Variants in SPTAN1 observed in about 807,000 individuals in gnomAD.
SPTAN1 encodes the protein spectrin alpha, non-erythrocytic 1.
In SPTAN1, 61 loss-of-function variants were observed where a neutral mutation model predicts 331.3. The ratio of observed to expected loss-of-function variants is 0.18; its 90% CI spans 0.15 to 0.23. SPTAN1 has a LOEUF of 0.23. Among genes scored for constraint, SPTAN1 ranks in the 10% least tolerant of loss-of-function variants. The pLI is 1.00. For synonymous variants in SPTAN1, 1,153 were observed against 1,173.9 expected (o/e 0.98, Z 0.36); for missense variants, 2,043 against 3,147.9 (o/e 0.65, Z 8.40).
chr9:128,584,030 A>G lies in SPTAN1; in HGVS notation c.2193+61A>G, dbSNP rs560320788. The G allele has an allele frequency of 3.0e-3, 4,777 of 1,603,196 alleles. 8 individuals carry two copies. The highest frequency in any genetic ancestry group is 3.7e-3 in the Non-Finnish European group (4,314 of 1,171,572). On this transcript the variant is annotated intron_variant, in intron 16 of 56. Transcript: ENST00000372739. ...ATGCAGAAACTATAGGAGGGAGGAA[A>G]AGCCAGTAATTTGAGACTAAATGAA...
At position 128,577,060 on chromosome 9, in the gene SPTAN1, T is replaced by G; in HGVS notation, c.786-69T>G. 1.9e-6 allele frequency: 3 copies of G among 1,613,920 alleles called. No individual in the cohort carries two copies. The South Asian group carries it at 3.3e-5, about 18-fold the overall frequency. Reference sequence around the variant, plus strand: ...GCTGTCGAGGCTGACTAGGCCTTGGTCCCATGGGGTGTTCCTAGTTCTAGG... The same window carrying G: ...GCTGTCGAGGCTGACTAGGCCTTGGGCCCATGGGGTGTTCCTAGTTCTAGG... On this transcript the variant is annotated intron_variant, in intron 6 of 56. Transcript: ENST00000372739. The surrounding 1 kb of genome is among the most constrained non-coding windows in gnomAD (Gnocchi z 4.2).
chr9:128,610,367 G>C (rs1483346812), intron 37 of SPTAN1, among the ~76,000 whole-genome samples: 1 of 152,128 alleles, frequency 6.6e-6, no homozygotes, highest in Non-Finnish European at 1.5e-5. Flanking sequence ...GAGGGTAATG[G>C]GACTTTTGTC....
At chr9:128,574,311 TA>T in intron 3 of SPTAN1, among the ~76,000 whole-genome samples, 1 of 148,640 alleles carries the variant, frequency 6.7e-6, no homozygotes, top group Non-Finnish European at 1.5e-5. Flanking sequence ...TATATAATAC[TA>T]AAATATATAA....
chr9:128,612,127 G>C lies in SPTAN1; in HGVS notation c.4924G>C (p.Ala1642Pro). 6.2e-7 allele frequency: 1 copy of C among 1,614,170 alleles called. No individual in the cohort carries two copies. The highest frequency in any genetic ancestry group is 8.5e-7 in the Non-Finnish European group (1 of 1,180,048). ...DAVKARLAAL[A>P]DQWQFLVQKS... The stretch of plus-strand genomic sequence containing the variant: ...TCCCCAGGCCCGCCTGGCTGCCTTA[G>C]CTGACCAGTGGCAGTTCTTGGTGCA... The change falls in exon 39 of 57, where the codon GCT becomes CCT. Residue 1642 changes from alanine (A) to proline (P), a missense_variant. Ala to Pro is a conservative substitution (Grantham distance 27). Coordinates refer to ENST00000372739, the MANE Select transcript of SPTAN1 (RefSeq NM_001130438.3).
rs1027721632 is a variant in SPTAN1 at position 128,626,529 on chromosome 9, G to A, written c.6418G>A (p.Ala2140Thr). 7 of 1,614,134 alleles carry A rather than the reference G, an allele frequency of 4.3e-6. No homozygotes were observed. The highest frequency in any genetic ancestry group is 1.1e-5 in the South Asian group (1 of 91,088). Reference sequence around the variant, plus strand: ...CAAAGCTTTGCGCGAGGCCCACGACGCCTTCCGCTCCTCCCTCAGCTCTGC... The same window carrying A: ...CAAAGCTTTGCGCGAGGCCCACGACACCTTCCGCTCCTCCCTCAGCTCTGC... ...EIKALREAHDAFRSSLSSAQA... is the reference protein window; with the variant it reads ...EIKALREAHDTFRSSLSSAQA... The change falls in exon 49 of 57, where the codon GCC (alanine) becomes ACC (threonine). Residue 2140 changes from alanine (A) to threonine (T), a missense_variant. This residue lies in a region of SPTAN1 where 256 missense variants were observed against 376.4 expected (regional missense o/e 0.68). Transcript: ENST00000372739.
At chr9:128,561,015 CAAA>C (rs10648319) in intron 1 of SPTAN1, among the ~76,000 whole-genome samples, 12 of 60,314 alleles carry the variant, frequency 2.0e-4, no homozygotes, top group African/African-American at 6.2e-4. Flanking sequence ...GACCCCATCT[CAAA>C]AAAAAAAAAA....
chr9:128,568,506 G>T (rs1419592651), intron 2 of SPTAN1, among the ~76,000 whole-genome samples: 1 of 152,200 alleles, frequency 6.6e-6, no homozygotes, highest in East Asian at 1.9e-4. Flanking sequence ...AGGATATTTT[G>T]TAGCATCTTC....
At chr9:128,623,180 C>G (rs1387324674) in intron 45 of SPTAN1, among the ~76,000 whole-genome samples, 1 of 149,734 alleles carries the variant, frequency 6.7e-6, no homozygotes, top group African/African-American at 2.5e-5. Flanking sequence ...CTGAGCTTCC[C>G]TAGCTAGCTG....
chr9:128,571,335 A>G (rs1217791972), intron 3 of SPTAN1, among the ~76,000 whole-genome samples: 2 of 151,698 alleles, frequency 1.3e-5, no homozygotes, highest in Admixed American at 6.6e-5. Context: ...CTGTAATCCT[A>G]GCACTTTGGG....
intron 45 of SPTAN1, among the ~76,000 whole-genome samples, chr9:128,622,495 C>T (rs1344599794): frequency 6.6e-6 from 1 of 151,696 alleles, no homozygotes; most frequent in African/African-American, 2.4e-5. Flanking sequence ...GATGGGGTTT[C>T]TCCATGTTGG....
chr9:128,631,927 A>G (rs1859811434), intron 52 of SPTAN1, 200 bp from the exon 53 acceptor site: 1 of 613,306 alleles, frequency 1.6e-6, no homozygotes, highest in Non-Finnish European at 2.9e-6. Context: ...GAACCCTCAC[A>G]TTGAAAGTCT....
chr9:128,620,094 A>T (rs1476464868), intron 44 of SPTAN1, among the ~76,000 whole-genome samples: 1 of 152,200 alleles, frequency 6.6e-6, no homozygotes, highest in Non-Finnish European at 1.5e-5. Flanking sequence ...CTGCGGCCTC[A>T]CACATCATCC....
chr9:128,599,238 G>A lies in SPTAN1; in HGVS notation c.3543+252G>A, dbSNP rs768968917. 4.7e-4 allele frequency: 227 copies of A among 486,768 alleles called. 3 individuals are homozygous for A. Among genetic ancestry groups the A allele is most frequent in the Middle Eastern group, 1.8e-3 (3 of 1,708 alleles). 30.2% of individuals were successfully genotyped at this position (486,768 alleles called of 1,614,324 possible). On this transcript the variant is annotated intron_variant, in intron 26 of 56. Transcript: ENST00000372739. ...CAACCTCCACCTCCCAGGTTCAAGC[G>A]ATTCTCCCATCTCAGCTTCCTGAGT...
intron 31 of SPTAN1, among the ~76,000 whole-genome samples, chr9:128,606,807 A>C (rs1855951736): frequency 6.6e-6 from 1 of 151,918 alleles, no homozygotes; most frequent in African/African-American, 2.4e-5. Context: ...CTTTTTATTG[A>C]GGTAAAAGCC....
At chr9:128,597,208 G>T (rs534755304) in intron 24 of SPTAN1, among the ~76,000 whole-genome samples, 8 of 152,078 alleles carry the variant, frequency 5.3e-5, no homozygotes, top group African/African-American at 1.9e-4. Flanking sequence ...TAGGGGTCTG[G>T]TTATGTTGCC....
rs375134079 is a variant in SPTAN1, at chr9:128,631,678, TAGGC to T, written c.6763-445_6763-442del. On this transcript the variant is annotated intron_variant, in intron 52 of 56. Transcript: ENST00000372739. ...TCGCCTCTACTAAAAATACAAAAAT[TAGGC>T]AGGTGTGGTGATGGGCACCTGTTAG... The T allele has an allele frequency of 4.9e-5, 9 of 183,298 alleles. No homozygotes were observed. The East Asian group carries it at 1.3e-3, about 26-fold the overall frequency. The allele number at this position is 183,298 out of a possible 1,614,324, so 11.4% of individuals were successfully genotyped here.
intron 21 of SPTAN1, among the ~76,000 whole-genome samples, chr9:128,590,871 C>A (rs1049357418): frequency 5.9e-5 from 9 of 151,816 alleles, no homozygotes; most frequent in African/African-American, 2.2e-4. Context: ...AGTTCTAACT[C>A]AATGAAAGTT....
At chr9:128,589,717 AGGT>A (rs1160501438) in intron 21 of SPTAN1, among the ~76,000 whole-genome samples, 1 of 151,606 alleles carries the variant, frequency 6.6e-6, no homozygotes, top group Non-Finnish European at 1.5e-5. Context: ...CTGGGACTAC[AGGT>A]GCCTGCCACC....
intron 44 of SPTAN1, 70 bp from the exon 45 acceptor site, chr9:128,621,088 C>A: frequency 7.2e-7 from 1 of 1,388,642 alleles, no homozygotes; most frequent in Non-Finnish European, 1.0e-6. Context: ...TTGTCACTCT[C>A]TGTCCCCGGG....
Sources: allele counts gnomAD v4.1 joint callset (sites outside exome capture counted in the v4.1 genomes callset), GRCh38; gene constraint gnomAD v4.1.1; regional missense constraint gnomAD v4.1.1; non-coding constraint Gnocchi (gnomAD v3.1); transcripts MANE v1.5; gene names NCBI Gene and HGNC (gene_info 2026-07-23, HGNC 2026-07-21).